KIAA1328: variants seen among roughly 807,000 people sequenced by gnomAD.
KIAA1328 encodes the protein protein hinderin.
KIAA1328 carries 52 observed loss-of-function variants against 68.1 expected under a neutral mutation model. The ratio of observed to expected loss-of-function variants is 0.76; its 90% CI spans 0.61 to 0.96. KIAA1328 has a LOEUF of 0.96. Ranked by LOEUF, KIAA1328 falls within the 40% of genes least tolerant of loss-of-function variation. KIAA1328 has a pLI of 0.00. For missense variants in KIAA1328, 641 were observed against 677.6 expected (o/e 0.95, Z 0.60); for synonymous variants, 232 against 239.4 (o/e 0.97, Z 0.28).
intron 9 of KIAA1328, among the ~76,000 whole-genome samples, chr18:37,221,114 A>G (rs1176517694): frequency 6.6e-6 from 1 of 152,028 alleles, no homozygotes; most frequent in African/African-American, 2.4e-5. Context: ...GGCATGAACC[A>G]CCTCACCCGG....
rs1397614285 is a variant in KIAA1328, at chr18:37,223,658, T to A, written c.*1431T>A. On this transcript the variant is annotated 3_prime_UTR_variant, in exon 10 of 10. Transcript: ENST00000280020. ...GTCATACCACCCAGGGCAGCCTGCA[T>A]GCAGCGAGTCTGCGTGGCTTCCCTG... The A allele has an allele frequency of 1.0e-6, 1 of 985,144 alleles. No homozygotes were observed. Among genetic ancestry groups the A allele is most frequent in the Non-Finnish European group, 1.2e-6 (1 of 829,906 alleles). 61.0% of individuals were successfully genotyped at this position (985,144 alleles called of 1,614,324 possible). A position where few individuals can be genotyped will look rare whatever the true frequency, so the allele number is the denominator to read the frequency against.
chr18:36,988,634 AGTT>A (rs1377450939), intron 6 of KIAA1328, among the ~76,000 whole-genome samples: 2 of 152,188 alleles, frequency 1.3e-5, no homozygotes, highest in African/African-American at 4.8e-5. Context: ...TTAGTGAACA[AGTT>A]GTTTTTCTGC....
At chr18:36,843,335 G>A (rs2046921459) in intron 3 of KIAA1328, among the ~76,000 whole-genome samples, 1 of 152,034 alleles carries the variant, frequency 6.6e-6, no homozygotes, top group African/African-American at 2.4e-5. Flanking sequence ...ATTCACTTTA[G>A]GTGTTTTCAG....
chr18:37,131,125 A>T (rs1006472816), intron 7 of KIAA1328, among the ~76,000 whole-genome samples: 2 of 152,256 alleles, frequency 1.3e-5, no homozygotes, highest in African/African-American at 4.8e-5. Context: ...TTTGGGAACA[A>T]CTAGACAAGA....
intron 7 of KIAA1328, among the ~76,000 whole-genome samples, chr18:37,151,394 C>T (rs959637049): frequency 2.0e-5 from 3 of 152,112 alleles, no homozygotes; most frequent in South Asian, 2.1e-4. Context: ...AAAATACCAA[C>T]ATACTGTTTT....
downstream of KIAA1328, chr18:37,230,117 A>C (rs1448477739): frequency 6.6e-6 from 1 of 152,338 alleles, no homozygotes; most frequent in Non-Finnish European, 1.5e-5. Context: ...GAGCTAACAC[A>C]GGTAGAGTGT....
intron 1 of KIAA1328, among the ~76,000 whole-genome samples, chr18:36,830,365 G>A (rs1182351294): frequency 2.0e-5 from 3 of 152,216 alleles, no homozygotes; most frequent in Non-Finnish European, 4.4e-5. Flanking sequence ...GCATACTAGT[G>A]CAGTGTGCAA....
intron 7 of KIAA1328, among the ~76,000 whole-genome samples, chr18:37,093,244 G>A (rs551746355): frequency 5.1e-4 from 77 of 152,250 alleles, no homozygotes; most frequent in Non-Finnish European, 9.6e-4. Flanking sequence ...ATGTGAAAAA[G>A]CAAGGTAACA....
chr18:36,844,212 C>A lies in KIAA1328; in HGVS notation c.242C>A (p.Ser81Tyr). ...ACTAAATTTTTTTTTTTTAAGAATT[C>A]CTGCAGGGGAGAAATAAAGAGTGCA... ...GTGDSVDEQN[S>Y]CRGEIKSASL... Residue 81 changes from serine to tyrosine, a missense_variant, in exon 4 of 10, where the codon TCC (serine) becomes TAC (tyrosine). Physicochemically the swap from Ser to Tyr is moderately radical, Grantham distance 144. Transcript: ENST00000280020. 2 of 1,573,160 alleles carry A rather than the reference C, an allele frequency of 1.3e-6. No homozygotes were observed. The highest frequency in any genetic ancestry group is 8.6e-7 in the Non-Finnish European group (1 of 1,163,930).
chr18:37,215,695 A>G (rs567224123), intron 9 of KIAA1328, among the ~76,000 whole-genome samples: 7 of 152,170 alleles, frequency 4.6e-5, no homozygotes, highest in East Asian at 1.9e-4. Flanking sequence ...CTCTTTTTCT[A>G]TTGATTGGAA....
intron 4 of KIAA1328, among the ~76,000 whole-genome samples, chr18:36,868,106 T>G (rs55766643): frequency 0.14 from 20,723 of 152,182 alleles, 1,759 homozygotes; most frequent in Admixed American, 0.18. Context: ...AATAAAAGAA[T>G]AGAATACGAA....
chr18:37,084,184 A>G, intron 7 of KIAA1328: 1 of 1,527,052 alleles, frequency 6.5e-7, no homozygotes, highest in Non-Finnish European at 8.7e-7. Context: ...CAGCTTACTA[A>G]ACCCCAAGAA....
At chr18:36,851,008 G>A (rs2047194258) in intron 4 of KIAA1328, among the ~76,000 whole-genome samples, 1 of 152,052 alleles carries the variant, frequency 6.6e-6, no homozygotes, top group Non-Finnish European at 1.5e-5. Context: ...TAGTTTGAGT[G>A]TTTTTGTCAT....
At chr18:37,153,532 A>C (rs944996846) in intron 7 of KIAA1328, among the ~76,000 whole-genome samples, 3 of 151,198 alleles carry the variant, frequency 2.0e-5, no homozygotes, top group African/African-American at 7.3e-5. Context: ...CCCTCTATAT[A>C]TACCTATATA....
chr18:37,034,257 A>G (rs1476864180), intron 6 of KIAA1328, among the ~76,000 whole-genome samples: 1 of 152,180 alleles, frequency 6.6e-6, no homozygotes, highest in African/African-American at 2.4e-5. Context: ...ATACAAAAAA[A>G]GGTATATAAC....
intron 6 of KIAA1328, among the ~76,000 whole-genome samples, chr18:37,009,589 C>A (rs1209797445): frequency 6.6e-6 from 1 of 152,076 alleles, no homozygotes; most frequent in African/African-American, 2.4e-5. Context: ...AAGTTGAGGC[C>A]AGGGATATCA....
At chr18:37,084,082 C>A in intron 7 of KIAA1328, 1 of 1,190,134 alleles carries the variant, frequency 8.4e-7, no homozygotes, top group South Asian at 2.0e-5. Flanking sequence ...TTCAGGTTAT[C>A]AGGCTTCACA....
chr18:36,886,646 G>C (rs886408924), intron 5 of KIAA1328, among the ~76,000 whole-genome samples: 3 of 152,108 alleles, frequency 2.0e-5, no homozygotes, highest in Non-Finnish European at 4.4e-5. Flanking sequence ...TTTGGGTATT[G>C]TATGCAGCAA....
At chr18:37,144,651 C>T (rs1041907567) in intron 7 of KIAA1328, among the ~76,000 whole-genome samples, 3 of 152,030 alleles carry the variant, frequency 2.0e-5, no homozygotes, top group Non-Finnish European at 4.4e-5. Flanking sequence ...ACCTCAGCCT[C>T]CTGAGTAGCT....
Sources: allele counts gnomAD v4.1 joint callset (sites outside exome capture counted in the v4.1 genomes callset), GRCh38; gene constraint gnomAD v4.1.1; transcripts MANE v1.5; gene names NCBI Gene and HGNC (gene_info 2026-07-23, HGNC 2026-07-21).